BAZ1B: variants seen among roughly 807,000 people sequenced by gnomAD.
The protein encoded by BAZ1B is bromodomain adjacent to zinc finger domain 1B, also known as tyrosine-protein kinase BAZ1B.
In BAZ1B, 22 loss-of-function variants were observed where a neutral mutation model predicts 153.8. The ratio of observed to expected loss-of-function variants is 0.14; its 90% CI spans 0.10 to 0.20. The LOEUF is 0.20. BAZ1B is among the 10% of genes least tolerant of loss of function. The pLI is 1.00. For synonymous variants in BAZ1B, 676 were observed against 633.4 expected, an observed-to-expected ratio of 1.07 and a Z score of -1.01; for missense variants, 1,325 against 1,799.3, an observed-to-expected ratio of 0.74 and a Z score of 4.77.
At chr7:73,443,433 C>A (rs767570006) in intron 17 of BAZ1B, among the ~76,000 whole-genome samples, 1 of 152,184 alleles carries the variant, frequency 6.6e-6, no homozygotes, top group Non-Finnish European at 1.5e-5. Context: ...CTGTGGCAAA[C>A]CGAGCATCTT....
At chr7:73,472,439 G>C (rs927777039) in intron 7 of BAZ1B, among the ~76,000 whole-genome samples, 1 of 151,650 alleles carries the variant, frequency 6.6e-6, no homozygotes, top group African/African-American at 2.4e-5. Flanking sequence ...TGTATTTTTA[G>C]TAGAGACAAG....
chr7:73,513,355 A>G (rs1554578840), intron 1 of BAZ1B, among the ~76,000 whole-genome samples: 1 of 152,242 alleles, frequency 6.6e-6, no homozygotes, highest in East Asian at 1.9e-4. Context: ...ACTTTATGCA[A>G]TAGTATAAGC....
intron 3 of BAZ1B, among the ~76,000 whole-genome samples, chr7:73,501,054 C>CA (rs1790111379): frequency 6.6e-6 from 1 of 151,804 alleles, no homozygotes; most frequent in Non-Finnish European, 1.5e-5. Flanking sequence ...GTCGGGAGTT[C>CA]GAGACCAGCC....
At chr7:73,490,967 T>C (rs574439450) in intron 5 of BAZ1B, among the ~76,000 whole-genome samples, 92 of 151,832 alleles carry the variant, frequency 6.1e-4, no homozygotes, top group African/African-American at 2.1e-3. Flanking sequence ...TGAAAAATTG[T>C]ATTTAACAAT....
At chr7:73,453,673 G>T (rs1788093051) in intron 13 of BAZ1B, among the ~76,000 whole-genome samples, 1 of 152,222 alleles carries the variant, frequency 6.6e-6, no homozygotes, top group Admixed American at 6.5e-5. Flanking sequence ...TTACCTAGGT[G>T]CTATACACAG....
At position 73,464,714 on chromosome 7, in the gene BAZ1B, AT is replaced by A. The variant is rs573875172; in HGVS notation, c.3071+724del. ...ATATTCCACTATTTGAATATACTAA[AT>A]TTTGGGGGTTTTTTGTTTCATTTTG... On this transcript the variant is annotated intron_variant, in intron 11 of 19. Coordinates refer to ENST00000339594, the MANE Select transcript of BAZ1B (RefSeq NM_032408.4). 7.9e-5 allele frequency among the ~76,000 whole-genome samples: 12 copies of A among 152,168 alleles called. 1 individual carries two copies. In the South Asian group the frequency reaches 2.5e-3, roughly 32 times the overall value.
chr7:73,521,705 G>A (rs1791052767), intron 1 of BAZ1B, 122 bp downstream of exon 1: 4 of 747,118 alleles, frequency 5.4e-6, no homozygotes, highest in Non-Finnish European at 5.6e-6. Flanking sequence ...GCCCGCGAGC[G>A]GCCGGGGCGC....
chr7:73,463,271 G>A (rs1405770465), intron 11 of BAZ1B, among the ~76,000 whole-genome samples, 172 bp from the exon 12 acceptor site: 2 of 138,720 alleles, frequency 1.4e-5, no homozygotes, highest in Non-Finnish European at 3.0e-5. Context: ...CCGAGACAGG[G>A]TCTTGCTCTG....
intron 2 of BAZ1B, among the ~76,000 whole-genome samples, chr7:73,508,772 G>C (rs1283771309): frequency 6.6e-6 from 1 of 152,140 alleles, no homozygotes; most frequent in Non-Finnish European, 1.5e-5. Flanking sequence ...CCAGCACTTT[G>C]GGAGGCCGAG....
At chr7:73,485,628 A>G (rs868977788) in intron 6 of BAZ1B, among the ~76,000 whole-genome samples, 24 of 150,570 alleles carry the variant, frequency 1.6e-4, no homozygotes, top group East Asian at 7.7e-4. Flanking sequence ...TACCTCAGAA[A>G]AAAAAAAAAA....
In BAZ1B at chr7:73,498,755, T is replaced by A. The variant is rs1790014413; in HGVS notation, c.370-57A>T. 1.4e-5 allele frequency: 21 copies of A among 1,479,236 alleles called. No individual in the cohort carries two copies. In the East Asian group the frequency reaches 4.8e-4, roughly 34 times the overall value. The allele number at this position is 1,479,236 out of a possible 1,614,324, so 91.6% of individuals were successfully genotyped here. The stretch of plus-strand genomic sequence containing the variant: ...TAATAAACACCCAGAAACCTGAAGA[T>A]GTTTAGAACATATCATCCAATATAC... On this transcript the variant is annotated intron_variant, in intron 3 of 19. Transcript: ENST00000339594.
intron 6 of BAZ1B, among the ~76,000 whole-genome samples, chr7:73,483,970 C>T (rs1019374675): frequency 1.1e-4 from 16 of 152,252 alleles, no homozygotes; most frequent in African/African-American, 3.9e-4. Flanking sequence ...AAGAGCGAGA[C>T]TTTAAAGAAA....
intron 1 of BAZ1B, 100 bp downstream of exon 1, chr7:73,521,726 GC>G (rs1791054458): frequency 5.0e-6 from 5 of 1,007,696 alleles, no homozygotes; most frequent in Non-Finnish European, 6.6e-6. Context: ...GCTGACAGCT[GC>G]CCCGGGCCGG....
At chr7:73,512,824 A>C (rs1275455604) in intron 1 of BAZ1B, among the ~76,000 whole-genome samples, 1 of 151,862 alleles carries the variant, frequency 6.6e-6, no homozygotes, top group Non-Finnish European at 1.5e-5. Flanking sequence ...CAAATAAACA[A>C]ATATTCTAAT....
chr7:73,492,933 A>G lies in BAZ1B; in HGVS notation c.572-12T>C. 6.3e-7 allele frequency: 1 copy of G among 1,575,626 alleles called. No homozygotes were observed. The stretch of plus-strand genomic sequence containing the variant: ...ACGTGCTCTGTCATCTAGTCAAATC[A>G]TAGAAAATTAGTGAAAAACGTAATT... On this transcript the variant is annotated splice_polypyrimidine_tract_variant and intron_variant, in intron 4 of 19. Transcript: ENST00000339594.
At chr7:73,517,093 G>A (rs564512687) in intron 1 of BAZ1B, among the ~76,000 whole-genome samples, 19 of 151,850 alleles carry the variant, frequency 1.3e-4, no homozygotes, top group Non-Finnish European at 5.9e-5. Flanking sequence ...TGAGGCAGGA[G>A]AATTGCTTGA....
At chr7:73,497,577 CTT>C in intron 4 of BAZ1B, among the ~76,000 whole-genome samples, 1 of 151,922 alleles carries the variant, frequency 6.6e-6, no homozygotes, top group East Asian at 1.9e-4. Context: ...ACTCTTTGTT[CTT>C]TTTTTACAAT....
At chr7:73,442,136 T>TACCCCCCCC in intron 19 of BAZ1B, 45 bp downstream of exon 19, 1 of 573,492 alleles carries the variant, frequency 1.7e-6, no homozygotes. Context: ...CTCGCTCGCC[T>TACCCCCCCC]CCCTCCCACC....
intron 13 of BAZ1B, 142 bp from the exon 14 acceptor site, chr7:73,451,136 A>G (rs1461453790): frequency 8.0e-6 from 9 of 1,131,644 alleles, no homozygotes; most frequent in Non-Finnish European, 1.1e-5. Context: ...TATTCTTATA[A>G]AAGGCTCCAA....
Sources: gnomAD v4.1 joint callset for allele counts (sites outside exome capture counted in the v4.1 genomes callset) on GRCh38, gnomAD v4.1.1 for gene constraint, MANE v1.5 for transcripts, NCBI Gene and HGNC (gene_info 2026-07-23, HGNC 2026-07-21) for gene names.